The following CNTN5 variants were observed in gnomAD, a reference collection of about 807,000 sequenced individuals.
CNTN5 encodes contactin 5.
In CNTN5, 77 loss-of-function variants were observed where a neutral mutation model predicts 129.1. That is an observed-to-expected ratio of 0.60 (90% confidence interval 0.50 to 0.72). The LOEUF is 0.72. Among genes scored for constraint, CNTN5 ranks in the 30% least tolerant of loss-of-function variants. CNTN5 has a pLI of 0.00. For missense variants in CNTN5, 1,478 were observed against 1,328.8 expected (o/e 1.11, Z -1.75); for synonymous variants, 509 against 465.6 (o/e 1.09, Z -1.20).
chr11:99,538,634 G>C (rs1947987405), intron 2 of CNTN5, among the ~76,000 whole-genome samples: 1 of 152,124 alleles, frequency 6.6e-6, no homozygotes, highest in African/African-American at 2.4e-5. Context: ...ATTGGAGTAA[G>C]TCAAGTGGAA....
chr11:99,284,620 TG>T (rs1863847463), intron 1 of CNTN5, among the ~76,000 whole-genome samples: 1 of 119,282 alleles, frequency 8.4e-6, no homozygotes, highest in East Asian at 2.4e-4. Context: ...TGTGTGTGTG[TG>T]TGTGTGTGTG....
At chr11:99,084,376 G>A (rs372735975) in intron 1 of CNTN5, among the ~76,000 whole-genome samples, 4 of 152,202 alleles carry the variant, frequency 2.6e-5, no homozygotes, top group Non-Finnish European at 1.5e-5. Context: ...CAACTTAAGG[G>A]CAGGTATCTG....
chr11:99,494,329 A>G (rs1171637031), intron 2 of CNTN5, among the ~76,000 whole-genome samples: 1 of 152,236 alleles, frequency 6.6e-6, no homozygotes, highest in African/African-American at 2.4e-5. Flanking sequence ...TCACCAGGCT[A>G]TATTAAGCTA....
At chr11:100,147,610 A>AT (rs913646116) in intron 13 of CNTN5, among the ~76,000 whole-genome samples, 7 of 151,868 alleles carry the variant, frequency 4.6e-5, no homozygotes, top group Non-Finnish European at 7.4e-5. Flanking sequence ...GGAGCCTTAT[A>AT]TTTTTTTGTC....
intron 3 of CNTN5, among the ~76,000 whole-genome samples, chr11:99,795,098 T>C (rs749388577): frequency 2.6e-5 from 4 of 152,220 alleles, no homozygotes; most frequent in Non-Finnish European, 4.4e-5. Flanking sequence ...AATCCCATAT[T>C]TCATGGAGGT....
chr11:100,096,990 T>C (rs1464754449), intron 13 of CNTN5, among the ~76,000 whole-genome samples: 1 of 152,170 alleles, frequency 6.6e-6, no homozygotes, highest in East Asian at 1.9e-4. Flanking sequence ...CACAAGACTT[T>C]GCTCTTCTCT....
chr11:99,345,529 G>A (rs72983774), intron 2 of CNTN5, among the ~76,000 whole-genome samples: 5,155 of 152,194 alleles, frequency 0.034, 117 homozygotes, highest in Middle Eastern at 0.068. Flanking sequence ...TGAGGAAGGC[G>A]TTATCACTCA....
chr11:99,520,059 A>C (rs573755381), intron 2 of CNTN5, among the ~76,000 whole-genome samples: 1 of 152,270 alleles, frequency 6.6e-6, no homozygotes, highest in South Asian at 2.1e-4. Flanking sequence ...GTTTTTATAT[A>C]GCATTTATTT....
At chr11:99,538,209 A>G (rs1425478716) in intron 2 of CNTN5, among the ~76,000 whole-genome samples, 1 of 152,190 alleles carries the variant, frequency 6.6e-6, no homozygotes, top group African/African-American at 2.4e-5. Flanking sequence ...CTTTGGGATC[A>G]TGCCATCATT....
rs1310618451 is a variant in CNTN5, at chr11:99,236,270, C to T, written c.-209-89076C>T. On this transcript the variant is annotated intron_variant, in intron 1 of 24. Transcript: ENST00000524871. ...TTTTCTTTCCACTACAGCTTTTCTT[C>T]CTTCCTTATCTCCTTGAATGTTCCC... 4.6e-5 allele frequency among the ~76,000 whole-genome samples: 7 copies of T among 152,076 alleles called. No individual in the cohort carries two copies. The South Asian group carries it at 1.2e-3, about 27-fold the overall frequency.
intron 2 of CNTN5, among the ~76,000 whole-genome samples, chr11:99,354,059 C>T (rs997291966): frequency 1.3e-5 from 2 of 152,088 alleles, no homozygotes; most frequent in African/African-American, 4.8e-5. Context: ...GCAATCTTAG[C>T]GCATCCTAAG....
At chr11:100,091,716 C>T (rs1038764876) in intron 13 of CNTN5, among the ~76,000 whole-genome samples, 1 of 151,980 alleles carries the variant, frequency 6.6e-6, no homozygotes, top group Non-Finnish European at 1.5e-5. Flanking sequence ...TGTAAGCCAC[C>T]GCGCCCAGCC....
At chr11:99,720,605 C>T (rs1009982652) in intron 3 of CNTN5, among the ~76,000 whole-genome samples, 17 of 152,170 alleles carry the variant, frequency 1.1e-4, no homozygotes, top group African/African-American at 4.1e-4. Context: ...GACAAGGATG[C>T]CCTCTCTTAC....
intron 3 of CNTN5, among the ~76,000 whole-genome samples, chr11:99,776,126 C>A (rs564101612): frequency 6.6e-6 from 1 of 151,836 alleles, no homozygotes; most frequent in African/African-American, 2.4e-5. Flanking sequence ...TGAGTAAACA[C>A]TCTGTGCTAG....
chr11:100,329,595 T>TGTTAGTTGG (rs1951861089), intron 21 of CNTN5, among the ~76,000 whole-genome samples: 2 of 152,180 alleles, frequency 1.3e-5, no homozygotes, highest in African/African-American at 4.8e-5. Context: ...CTAACACCAC[T>TGTTAGTTGG]GGAGCAGGTG....
chr11:99,984,355 A>AAAAGG (rs1476740040), intron 8 of CNTN5, among the ~76,000 whole-genome samples: 2 of 152,034 alleles, frequency 1.3e-5, no homozygotes, highest in East Asian at 3.8e-4. Flanking sequence ...TGAGAAAAGG[A>AAAAGG]AAAGGAAAGG....
chr11:99,249,808 A>G (rs1266306138), intron 1 of CNTN5, among the ~76,000 whole-genome samples: 1 of 151,910 alleles, frequency 6.6e-6, no homozygotes, highest in Non-Finnish European at 1.5e-5. Flanking sequence ...AATAAATACA[A>G]TTTCTTTAGT....
At chr11:99,474,588 T>A (rs1038515418) in intron 2 of CNTN5, among the ~76,000 whole-genome samples, 5 of 152,126 alleles carry the variant, frequency 3.3e-5, no homozygotes, top group African/African-American at 1.2e-4. Context: ...ATAATCAAGA[T>A]TGAAGGAAAA....
At chr11:100,056,587 A>C (rs1265903167) in intron 9 of CNTN5, among the ~76,000 whole-genome samples, 1 of 151,780 alleles carries the variant, frequency 6.6e-6, no homozygotes, top group Non-Finnish European at 1.5e-5. Flanking sequence ...TTTTATGAAC[A>C]GGTATTTTCA....
Sources: gnomAD v4.1 joint callset for allele counts (sites outside exome capture counted in the v4.1 genomes callset) on GRCh38, gnomAD v4.1.1 for gene constraint, MANE v1.5 for transcripts, NCBI Gene and HGNC (gene_info 2026-07-23, HGNC 2026-07-21) for gene names.